Variants in AGMAT observed in about 807,000 individuals in gnomAD.
The protein encoded by AGMAT is guanidino acid hydrolase, mitochondrial.
Under a neutral mutation model 29.3 loss-of-function variants are expected in AGMAT, and 37 were observed. The observed-to-expected ratio is 1.26, with a 90% CI of 0.97 to 1.66. AGMAT has a LOEUF of 1.66. Ranked by LOEUF, AGMAT falls within the 40% of genes most tolerant of loss-of-function variation. The probability of loss-of-function intolerance (pLI) is 0.00; values close to 1 mark genes in which losing one functional copy is unlikely to be tolerated. For synonymous variants in AGMAT, 199 were observed against 200.8 expected (o/e 0.99, Z 0.08); for missense variants, 498 against 497.8 (o/e 1.00, Z 0.00).
chr1:15,573,450 C>A lies in AGMAT; in HGVS notation c.*201G>T. On this transcript the variant is annotated 3_prime_UTR_variant, in exon 7 of 7. Coordinates refer to ENST00000375826, the MANE Select transcript of AGMAT (RefSeq NM_024758.5). ...CAGTACAAGTACTCCTTTTTTTTTC[C>A]CCCAATTAATCCAAGTTCCTTAGAA... 1.9e-6 allele frequency: 1 copy of A among 513,812 alleles called. No individual in the cohort carries two copies. The allele number at this position is 513,812 out of a possible 1,614,324, so 31.8% of individuals were successfully genotyped here. A position where few individuals can be genotyped will look rare whatever the true frequency, so the allele number is the denominator to read the frequency against.
Position 15,583,329 on chromosome 1 carries a change from G to A in AGMAT, c.339C>T (p.Ala113=). ...CAACCATGAGGGACTGGAAGGGGAG[G>A]GCCCCCGTGCTAGGATTGACTGTCC... ...MLGTVNPSTG[A]LPFQSLMVAD... Residue 113 remains alanine, a synonymous_variant, in exon 2 of 7, where the codon GCC becomes GCT. Transcript: ENST00000375826. 6.2e-7 allele frequency: 1 copy of A among 1,614,088 alleles called. No homozygotes were observed. The highest frequency in any genetic ancestry group is 1.1e-5 in the South Asian group (1 of 91,074).
In AGMAT at chr1:15,584,929, C is replaced by G; in HGVS notation, c.39G>C (p.Pro13=). 1 of 1,369,822 alleles carries G rather than the reference C, an allele frequency of 7.3e-7. No individual in the cohort carries two copies. Among genetic ancestry groups the G allele is most frequent in the Non-Finnish European group, 9.3e-7 (1 of 1,069,966 alleles). The allele number at this position is 1,369,822 out of a possible 1,614,324, so 84.9% of individuals were successfully genotyped here. Residue 13 remains proline, a synonymous_variant, in exon 1 of 7, where the codon CCG becomes CCC. Coordinates refer to ENST00000375826, the MANE Select transcript of AGMAT (RefSeq NM_024758.5). The part of the protein sequence containing the change: ...RLLASGCARG[P]GPGVGARPAA... ...CAGGACGCGCGCCCACGCCGGGCCC[C>G]GGGCCCCGGGCGCACCCGGACGCCA...
In AGMAT at chr1:15,577,504, C is replaced by T. The variant is rs184615204; in HGVS notation, c.900+181G>A. ...AGGAGAATCGCTTGAACCTGGGAGG[C>T]GGAGGTTGCAGTGAGCCGAGATCGC... On this transcript the variant is annotated intron_variant, in intron 5 of 6. Transcript: ENST00000375826. Among the ~76,000 whole-genome samples the T allele has an allele frequency of 8.8e-4, 134 of 152,230 alleles. 2 individuals carry two copies. In the East Asian group the frequency reaches 0.023, roughly 26 times the overall value.
At chr1:15,578,358 G>A (rs1012752221) in intron 4 of AGMAT, among the ~76,000 whole-genome samples, 13 of 151,476 alleles carry the variant, frequency 8.6e-5, no homozygotes, top group East Asian at 3.9e-4. Flanking sequence ...GCAGTGGCGC[G>A]ATCTCAGCTC....
In AGMAT at chr1:15,577,790, C is replaced by G; in HGVS notation, c.795G>C (p.Gln265His). The change falls in exon 5 of 7, where the codon CAG becomes CAC. Residue 265 changes from glutamine (Q) to histidine (H), a missense_variant. Gln to His is a conservative substitution (Grantham distance 24). Transcript: ENST00000375826. ...TGATATAAATGGGTTTGCCTCCCAT[C>G]TGCTGCCTGACTTCCCCCATCAGAG... ...LVPLMGEVRQ[Q>H]MGGKPIYISF... is the part of the protein sequence containing the mutation. The G allele has an allele frequency of 6.2e-7, 1 of 1,614,220 alleles. No homozygotes were observed. Among genetic ancestry groups the G allele is most frequent in the Non-Finnish European group, 8.5e-7 (1 of 1,180,046 alleles).
In AGMAT at chr1:15,584,930, G is replaced by A. The variant is rs1639167154; in HGVS notation, c.38C>T (p.Pro13Leu). Residue 13 changes from proline (P) to leucine (L), a missense_variant, in exon 1 of 7, where the codon CCG (proline) becomes CTG (leucine). Pro to Leu is a moderately conservative substitution (Grantham distance 98, BLOSUM62 -3). Transcript: ENST00000375826. Reference sequence around the variant, plus strand: ...AGGACGCGCGCCCACGCCGGGCCCCGGGCCCCGGGCGCACCCGGACGCCAG... The same window carrying A: ...AGGACGCGCGCCCACGCCGGGCCCCAGGCCCCGGGCGCACCCGGACGCCAG... ...RLLASGCARG[P>L]GPGVGARPAA... The A allele has an allele frequency of 7.3e-7, 1 of 1,370,064 alleles. No homozygotes were observed. The allele number at this position is 1,370,064 out of a possible 1,614,324, so 84.9% of individuals were successfully genotyped here. A position where few individuals can be genotyped will look rare whatever the true frequency, so the allele number is the denominator to read the frequency against.
At chr1:15,577,078 A>G (rs1639050933) in intron 5 of AGMAT, among the ~76,000 whole-genome samples, 2 of 152,028 alleles carry the variant, frequency 1.3e-5, no homozygotes, top group Admixed American at 6.6e-5. Flanking sequence ...AGAGGATACT[A>G]TAATGTTGTT....
chr1:15,580,469 T>G (rs951252142), intron 2 of AGMAT, among the ~76,000 whole-genome samples: 3 of 151,704 alleles, frequency 2.0e-5, no homozygotes, highest in Non-Finnish European at 4.4e-5. Flanking sequence ...CCTCCCAAAG[T>G]GCTAGGATTA....
rs59203066 is a variant in AGMAT at position 15,576,740 on chromosome 1, C to CTTTTTTTTTTTTTTTTTTTTTTTTTTT, written c.900+918_900+944dup. Among the ~76,000 whole-genome samples the CTTTTTTTTTTTTTTTTTTTTTTTTTTT allele has an allele frequency of 3.9e-4, 14 of 35,798 alleles. 4 individuals carry two copies. The highest frequency in any genetic ancestry group is 6.0e-4 in the Non-Finnish European group (12 of 19,872). The allele number at this position is 35,798 out of a possible 152,430, so 23.5% of individuals were successfully genotyped here. A position where few individuals can be genotyped will look rare whatever the true frequency, so the allele number is the denominator to read the frequency against. ...ACGACACCTGGCCAAGTTTAGTGTTCTTTTTTTTTTTTTTTTTTTTTTTTT... is the reference window on the plus strand; with the variant it reads ...ACGACACCTGGCCAAGTTTAGTGTTCTTTTTTTTTTTTTTTTTTTTTTTTTTTTTTTTTTTTTTTTTTTTTTTTTTTT... On this transcript the variant is annotated intron_variant, in intron 5 of 6. Transcript: ENST00000375826.
chr1:15,578,788 G>A lies in AGMAT; in HGVS notation c.720+71C>T, dbSNP rs115449556. ...TAGTAAAGCCCCCGCTCAATCCCTG[G>A]CTGCCACTGGTGAGGCAACGGAGAG... is the stretch of plus-strand genomic sequence containing the variant. On this transcript the variant is annotated intron_variant, in intron 4 of 6. Transcript: ENST00000375826. The A allele has an allele frequency of 2.1e-3, 3,244 of 1,531,696 alleles. 69 individuals carry two copies. In the African/African-American group the frequency reaches 0.036, roughly 17 times the overall value. 94.9% of individuals were successfully genotyped at this position (1,531,696 alleles called of 1,614,324 possible).
intron 1 of AGMAT, 38 bp downstream of exon 1, chr1:15,584,658 C>A: frequency 7.8e-7 from 1 of 1,278,278 alleles, no homozygotes; most frequent in Non-Finnish European, 9.9e-7. Context: ...GCAAGCAGTC[C>A]CTCCACGTGT....
Position 15,580,126 on chromosome 1 carries a change from G to A in AGMAT, c.492C>T (p.Ile164=). ...CCATCGCTTGCAATATGGGATATGT[G>A]ATTGTGTGATCTCCACCTGCAAAGA... ...IPLTLGGDHT[I]TYPILQAMAK... The change falls in exon 3 of 7, where the codon ATC becomes ATT. Residue 164 remains isoleucine (I), a synonymous_variant. Coordinates refer to ENST00000375826, the MANE Select transcript of AGMAT (RefSeq NM_024758.5). The A allele has an allele frequency of 6.2e-7, 1 of 1,609,632 alleles. No individual in the cohort carries two copies. The highest frequency in any genetic ancestry group is 1.1e-5 in the South Asian group (1 of 90,998).
At chr1:15,579,107 C>A in intron 3 of AGMAT, 53 bp from the exon 4 acceptor site, 1 of 1,566,380 alleles carries the variant, frequency 6.4e-7, no homozygotes, top group Non-Finnish European at 8.7e-7. Context: ...GGCCCTAGCA[C>A]AGCCACCCTT....
chr1:15,573,764 G>A lies in AGMAT; in HGVS notation c.986-40C>T, dbSNP rs6678742. 2.3e-3 allele frequency: 3,621 copies of A among 1,568,208 alleles called. 78 individuals are homozygous for A. In the African/African-American group the frequency reaches 0.039, roughly 17 times the overall value. On this transcript the variant is annotated intron_variant, in intron 6 of 6. Transcript: ENST00000375826. Reference sequence around the variant, plus strand: ...AACCTCACATGAATACCCTGCAGACGACCCGCTGAGCCAAGCCTTGGGACT... The same window carrying A: ...AACCTCACATGAATACCCTGCAGACAACCCGCTGAGCCAAGCCTTGGGACT...
chr1:15,574,680 AT>A, intron 6 of AGMAT, 76 bp downstream of exon 6: 1 of 1,348,632 alleles, frequency 7.4e-7, no homozygotes, highest in East Asian at 2.4e-5. Context: ...GCCTGGCCCC[AT>A]TTTCTACTTA....
intron 2 of AGMAT, among the ~76,000 whole-genome samples, chr1:15,581,103 C>T (rs922871326): frequency 6.6e-6 from 1 of 152,120 alleles, no homozygotes; most frequent in Non-Finnish European, 1.5e-5. Context: ...TGGCTCACAC[C>T]TTGGGAGGCC....
intron 3 of AGMAT, 151 bp downstream of exon 3, chr1:15,579,943 G>C (rs1639089059): frequency 1.3e-6 from 1 of 741,092 alleles, no homozygotes; most frequent in Non-Finnish European, 2.4e-6. Context: ...GACTGACAGA[G>C]ACACCTGGAG....
intron 5 of AGMAT, among the ~76,000 whole-genome samples, 200 bp downstream of exon 5, chr1:15,577,485 A>T (rs1639056040): frequency 6.6e-6 from 1 of 152,176 alleles, no homozygotes; most frequent in South Asian, 2.1e-4. Context: ...AGGCAGGAGA[A>T]TCGCTTGAAC....
chr1:15,581,292 C>T (rs565485861), intron 2 of AGMAT, among the ~76,000 whole-genome samples: 9 of 151,160 alleles, frequency 6.0e-5, no homozygotes, highest in Non-Finnish European at 1.0e-4. Flanking sequence ...AAGGTTGCAG[C>T]GAGCCATGTC....
Sources: gnomAD v4.1 joint callset for allele counts (sites outside exome capture counted in the v4.1 genomes callset) on GRCh38, gnomAD v4.1.1 for gene constraint, MANE v1.5 for transcripts, NCBI Gene and HGNC (gene_info 2026-07-23, HGNC 2026-07-21) for gene names.